Variants in RND1 observed in about 807,000 individuals in gnomAD.
RND1 encodes the protein Rho family GTPase 1.
RND1 carries 9 observed loss-of-function variants against 27.1 expected under a neutral mutation model. The ratio of observed to expected loss-of-function variants is 0.33; its 90% confidence interval spans 0.20 to 0.58. The LOEUF is 0.58. RND1 is among the 20% of genes least tolerant of loss of function. RND1 has a pLI of 0.86. For missense variants in RND1, 253 were observed against 292.2 expected, an observed-to-expected ratio of 0.87 and a Z score of 0.98; for synonymous variants, 108 against 115.7, an observed-to-expected ratio of 0.93 and a Z score of 0.43.
chr12:48,858,364 T>C, intron 4 of RND1, 123 bp from the exon 5 acceptor site: 1 of 940,296 alleles, frequency 1.1e-6, no homozygotes, highest in Non-Finnish European at 1.5e-6. Context: ...AACACCACCC[T>C]CTGCAGATTA....
Position 48,864,940 on chromosome 12 carries a change from A to AC in RND1, c.121-71dup, listed in dbSNP as rs1938967901. On this transcript the variant is annotated intron_variant, in intron 1 of 4. Coordinates refer to ENST00000309739, the MANE Select transcript of RND1 (RefSeq NM_014470.4). Reference sequence around the variant, plus strand: ...AGATCCCCTGGTTAGTGCTGGCTACACACGCACTCACCAGAGAGACAGTAA... The same window carrying AC: ...AGATCCCCTGGTTAGTGCTGGCTACACCACGCACTCACCAGAGAGACAGTAA... 5.5e-5 allele frequency: 60 copies of AC among 1,090,144 alleles called. No homozygotes were observed. The South Asian group carries it at 7.5e-4, about 14-fold the overall frequency. 67.5% of individuals were successfully genotyped at this position (1,090,144 alleles called of 1,614,324 possible).
Position 48,865,749 on chromosome 12 carries a change from G to C in RND1, c.19C>G (p.Pro7Ala), listed in dbSNP as rs1290467639. 3 of 1,605,414 alleles carry C rather than the reference G, an allele frequency of 1.9e-6. No individual in the cohort carries two copies. The highest frequency in any genetic ancestry group is 2.6e-6 in the Non-Finnish European group (3 of 1,173,518). The change falls in exon 1 of 5, where the codon CCC (proline) becomes GCC (alanine). Residue 7 changes from proline (P) to alanine (A), a missense_variant. Physicochemically the swap from Pro to Ala is conservative, Grantham distance 27 (BLOSUM62 -1). Coordinates refer to ENST00000309739, the MANE Select transcript of RND1 (RefSeq NM_014470.4). The stretch of plus-strand genomic sequence containing the variant: ...TTACATCTGGCCACGACTGGCTGGG[G>C]GGCCCGTCTCTCCTTCATGGTTGCA... Reference protein sequence around the residue: MKERRAPQPVVARCKLV... With the variant: MKERRAAQPVVARCKLV...
At position 48,865,810 on chromosome 12, in the gene RND1, G is replaced by A. The variant is rs1437078105; in HGVS notation, c.-43C>T. The A allele has an allele frequency of 1.3e-6, 2 of 1,546,772 alleles. No homozygotes were observed. Among genetic ancestry groups the A allele is most frequent in the East Asian group, 2.3e-5 (1 of 43,514 alleles). ...GACTTGAACTTCGATTCAGAAGGGA[G>A]GGTTGCGCCAGGTGCGTCTCAGCAC... is the stretch of plus-strand genomic sequence containing the variant. On this transcript the variant is annotated 5_prime_UTR_variant, in exon 1 of 5. Transcript: ENST00000309739.
chr12:48,865,105 T>C (rs940550841), intron 1 of RND1, among the ~76,000 whole-genome samples: 1 of 149,890 alleles, frequency 6.7e-6, no homozygotes, highest in Non-Finnish European at 1.5e-5. Context: ...AAGCCCCCCA[T>C]ATCCTAGGCG....
chr12:48,864,657 C>A, intron 2 of RND1, 126 bp downstream of exon 2: 1 of 772,456 alleles, frequency 1.3e-6, no homozygotes. Context: ...CTCCCCACAA[C>A]TAATGAGTCT....
Position 48,864,810 on chromosome 12 carries a change from C to G in RND1, c.181G>C (p.Val61Leu). 1.9e-6 allele frequency: 3 copies of G among 1,613,958 alleles called. No individual in the cohort carries two copies. Among genetic ancestry groups the G allele is most frequent in the Non-Finnish European group, 2.5e-6 (3 of 1,179,804 alleles). The change falls in exon 2 of 5, where the codon GTG (valine) becomes CTG (leucine). Residue 61 changes from valine (V) to leucine (L), a missense_variant. By Grantham distance (32) the Val-to-Leu change is conservative. Coordinates refer to ENST00000309739, the MANE Select transcript of RND1 (RefSeq NM_014470.4). ...TACLETEEQR[V>L]ELSLWDTSGS... ...GAGGTATCCCAGAGACTAAGCTCCA[C>G]CCTCTGTTCCTCTGTCTCCAAACAG...
chr12:48,864,575 AAG>A (rs1235800668), intron 2 of RND1, among the ~76,000 whole-genome samples: 2 of 152,020 alleles, frequency 1.3e-5, no homozygotes, highest in Admixed American at 1.3e-4. Context: ...AGACCCAGGG[AAG>A]AGAGTGGCTC....
At position 48,857,340 on chromosome 12, in the gene RND1, A is replaced by AC. The variant is rs1347424029; in HGVS notation, c.*655dup. The stretch of plus-strand genomic sequence containing the variant: ...CCAGCCCTGCCCCTGCAGCACCACC[A>AC]CCCCCACACTCTGCAAGAGAAGGGG... On this transcript the variant is annotated 3_prime_UTR_variant, in exon 5 of 5. Transcript: ENST00000309739. 7.7e-6 allele frequency: 1 copy of AC among 129,604 alleles called. No homozygotes were observed. Among genetic ancestry groups the AC allele is most frequent in the East Asian group, 2.7e-4 (1 of 3,692 alleles). 8.0% of individuals were successfully genotyped at this position (129,604 alleles called of 1,614,324 possible).
At chr12:48,858,968 T>A in intron 4 of RND1, 1 of 148,360 alleles carries the variant, frequency 6.7e-6, no homozygotes. Context: ...TTTTCTTTTT[T>A]TTTTTTTTTT....
At position 48,865,642 on chromosome 12, in the gene RND1, G is replaced by A; in HGVS notation, c.120+6C>T. 1.2e-6 allele frequency: 2 copies of A among 1,611,088 alleles called. No individual in the cohort carries two copies. Among genetic ancestry groups the A allele is most frequent in the Non-Finnish European group, 1.7e-6 (2 of 1,178,826 alleles). On this transcript the variant is annotated splice_donor_region_variant and intron_variant, in intron 1 of 4. Transcript: ENST00000309739. ...AAGCCGGCCAGCGGGCGGGCGGGCA[G>A]CTCACCTCTGGATAGCAATCCTTCG...
intron 1 of RND1, 82 bp from the exon 2 acceptor site, chr12:48,864,952 CAGAG>C (rs1938968240): frequency 1.0e-6 from 1 of 1,004,502 alleles, no homozygotes; most frequent in Non-Finnish European, 1.6e-6. Flanking sequence ...ACGCACTCAC[CAGAG>C]AGACAGTAAA....
intron 2 of RND1, among the ~76,000 whole-genome samples, chr12:48,863,421 G>A (rs964617541): frequency 6.6e-6 from 1 of 152,108 alleles, no homozygotes; most frequent in Non-Finnish European, 1.5e-5. Context: ...TCAAAGGAGG[G>A]AGGAGGTGGG....
rs921535182 is a variant in RND1 at position 48,858,330 on chromosome 12, A to C, written c.454-89T>G. Reference sequence around the variant, plus strand: ...GCGTCACTCCCCAGGGCCACTCCAGAGGGGACCCAGCTGCCAGTCTCCAAA... The same window carrying C: ...GCGTCACTCCCCAGGGCCACTCCAGCGGGGACCCAGCTGCCAGTCTCCAAA... On this transcript the variant is annotated intron_variant, in intron 4 of 4. Transcript: ENST00000309739. 2.0e-5 allele frequency: 29 copies of C among 1,432,588 alleles called. No individual in the cohort carries two copies. The African/African-American group carries it at 3.0e-4, about 15-fold the overall frequency. The allele number at this position is 1,432,588 out of a possible 1,614,324, so 88.7% of individuals were successfully genotyped here.
At chr12:48,860,014 G>A (rs1269237750) in intron 4 of RND1, among the ~76,000 whole-genome samples, 1 of 150,976 alleles carries the variant, frequency 6.6e-6, no homozygotes, top group African/African-American at 2.4e-5. Flanking sequence ...CTGACCTGAA[G>A]TGATCCACCT....
At chr12:48,863,853 G>C (rs973580431) in intron 2 of RND1, among the ~76,000 whole-genome samples, 1 of 152,084 alleles carries the variant, frequency 6.6e-6, no homozygotes, top group Non-Finnish European at 1.5e-5. Context: ...TTGGGGAGGG[G>C]TGGATTTTAT....
chr12:48,862,147 G>A lies in RND1; in HGVS notation c.209-29C>T, dbSNP rs762175748. The A allele has an allele frequency of 2.0e-5, 28 of 1,384,724 alleles. No individual in the cohort carries two copies. The East Asian group carries it at 6.4e-4, about 32-fold the overall frequency. 85.8% of individuals were successfully genotyped at this position (1,384,724 alleles called of 1,614,324 possible). ...GTGTAGGCCAGAAAGAGCTGATGGT[G>A]AGCCATGGTGTTTTCCTTCCCCAAT... On this transcript the variant is annotated intron_variant, in intron 2 of 4. Coordinates refer to ENST00000309739, the MANE Select transcript of RND1 (RefSeq NM_014470.4).
At chr12:48,864,094 C>T (rs911740907) in intron 2 of RND1, among the ~76,000 whole-genome samples, 5 of 152,118 alleles carry the variant, frequency 3.3e-5, no homozygotes, top group African/African-American at 1.2e-4. Flanking sequence ...AGCCAACCTC[C>T]CCTCTGCCCT....
rs1373032091 is a variant in RND1 at position 48,865,854 on chromosome 12, C to T, written c.-87G>A. ...TCAGCACGCCAATCAAGCCAGATTCCCTGCCTCCCTCCAACTGAGGAGGAG... is the reference window on the plus strand; with the variant it reads ...TCAGCACGCCAATCAAGCCAGATTCTCTGCCTCCCTCCAACTGAGGAGGAG... On this transcript the variant is annotated 5_prime_UTR_variant, in exon 1 of 5. Transcript: ENST00000309739. The T allele has an allele frequency of 2.0e-6, 3 of 1,502,896 alleles. No individual in the cohort carries two copies. The allele number at this position is 1,502,896 out of a possible 1,614,324, so 93.1% of individuals were successfully genotyped here.
chr12:48,864,212 G>C (rs1171179521), intron 2 of RND1, among the ~76,000 whole-genome samples: 1 of 152,128 alleles, frequency 6.6e-6, no homozygotes, highest in Non-Finnish European at 1.5e-5. Flanking sequence ...GGTGTGACGA[G>C]TGGGGCTGAG....
Sources: allele counts gnomAD v4.1 joint callset (sites outside exome capture counted in the v4.1 genomes callset), GRCh38; gene constraint gnomAD v4.1.1; transcripts MANE v1.5; gene names NCBI Gene and HGNC (gene_info 2026-07-23, HGNC 2026-07-21).